EDARADD: variants seen among roughly 807,000 people sequenced by gnomAD.
The protein encoded by EDARADD is ectodysplasin-A receptor-associated adapter protein.
In EDARADD, 20 loss-of-function variants were observed where a neutral mutation model predicts 25.6. The ratio of observed to expected loss-of-function variants is 0.78; its 90% CI spans 0.55 to 1.14. EDARADD has a LOEUF of 1.14. EDARADD is among the 50% of genes most tolerant of loss of function. The pLI, the probability that EDARADD is intolerant of heterozygous loss-of-function variation, is 0.00. For synonymous variants in EDARADD, 86 were observed against 94.4 expected (o/e 0.91, Z 0.52); for missense variants, 225 against 270.1 (o/e 0.83, Z 1.17).
chr1:236,381,267 T>G (rs1344114831), intron 3 of EDARADD, among the ~76,000 whole-genome samples: 1 of 152,204 alleles, frequency 6.6e-6, no homozygotes, highest in East Asian at 1.9e-4. Flanking sequence ...TTCCTTTTAT[T>G]GGTAAGTAGT....
upstream of EDARADD, among the ~76,000 whole-genome samples, chr1:236,393,140 C>T (rs1667447876): frequency 6.6e-6 from 1 of 152,088 alleles, no homozygotes; most frequent in African/African-American, 2.4e-5. Context: ...CAGACACTTG[C>T]AGACTCAGTT....
At chr1:236,418,550 A>G (rs1305767117) in intron 3 of EDARADD, among the ~76,000 whole-genome samples, 1 of 152,216 alleles carries the variant, frequency 6.6e-6, no homozygotes. Context: ...CAGCCAAAGT[A>G]AGGTAGACTA....
chr1:236,413,530 TA>T lies in EDARADD; in HGVS notation c.121-729del, dbSNP rs564246402. Among the ~76,000 whole-genome samples, 173 of 152,284 alleles carry T rather than the reference TA, an allele frequency of 1.1e-3. 1 individual carries two copies. Among genetic ancestry groups the T allele is most frequent in the African/African-American group, 4.0e-3 (168 of 41,568 alleles). On this transcript the variant is annotated intron_variant, in intron 2 of 5. Transcript: ENST00000334232. ...GTGGAGTTGGGAGCTGAGCAGGGGT[TA>T]GGGGACAGGGTTGGGAAATTAGGCT...
At chr1:236,453,089 C>T (rs922015203) in intron 4 of EDARADD, among the ~76,000 whole-genome samples, 5 of 152,086 alleles carry the variant, frequency 3.3e-5, no homozygotes, top group African/African-American at 7.2e-5. Flanking sequence ...ATTGCCAGTT[C>T]GTTCTTCCAC....
chr1:236,385,422 A>G (rs1667341392), intron 3 of EDARADD, among the ~76,000 whole-genome samples: 1 of 129,052 alleles, frequency 7.7e-6, no homozygotes, highest in African/African-American at 2.8e-5. Flanking sequence ...AAAAAAAAAA[A>G]AAAAAAAAAT....
At chr1:236,461,250 T>C (rs1659030187) in intron 4 of EDARADD, among the ~76,000 whole-genome samples, 1 of 152,252 alleles carries the variant, frequency 6.6e-6, no homozygotes, top group South Asian at 2.1e-4. Flanking sequence ...GATCAAACTT[T>C]AGCATTGTTA....
intron 4 of EDARADD, among the ~76,000 whole-genome samples, chr1:236,466,856 C>T (rs1659205867): frequency 6.6e-6 from 1 of 152,164 alleles, no homozygotes; most frequent in Admixed American, 6.5e-5. Flanking sequence ...ATCATGAGGT[C>T]AGGAGTTCGA....
intron 3 of EDARADD, among the ~76,000 whole-genome samples, chr1:236,352,729 T>C (rs987535969): frequency 6.6e-6 from 1 of 152,130 alleles, no homozygotes; most frequent in Admixed American, 6.5e-5. Flanking sequence ...GCACCTGTAA[T>C]CCCAGCTACA....
Position 236,395,611 on chromosome 1 carries a change from T to G in EDARADD, c.61+1106T>G. The G allele has an allele frequency of 6.4e-7, 1 of 1,562,128 alleles. No homozygotes were observed. The highest frequency in any genetic ancestry group is 8.7e-7 in the Non-Finnish European group (1 of 1,156,012). ...CTGCCAGCCCCGCTCGGACGCTCGT[T>G]TGCCCCTAACCCGCCGCCATGGCTT... On this transcript the variant is annotated intron_variant, in intron 1 of 5. Coordinates refer to ENST00000334232, the MANE Select transcript of EDARADD (RefSeq NM_145861.4). This position sits in a 1 kb window ranked among gnomAD's most constrained non-coding sequence, Gnocchi z 6.9.
At chr1:236,371,935 G>A (rs1054081521) in intron 3 of EDARADD, among the ~76,000 whole-genome samples, 1 of 151,610 alleles carries the variant, frequency 6.6e-6, no homozygotes, top group Non-Finnish European at 1.5e-5. Context: ...AGAGTGGTTT[G>A]TTGTTTTTTT....
At chr1:236,428,452 C>T (rs1270043894) in intron 4 of EDARADD, among the ~76,000 whole-genome samples, 2 of 152,186 alleles carry the variant, frequency 1.3e-5, no homozygotes, top group African/African-American at 2.4e-5. Flanking sequence ...AAACCGCCAT[C>T]GTCATCATGG....
intron 4 of EDARADD, among the ~76,000 whole-genome samples, chr1:236,458,768 C>T (rs1333297481): frequency 1.8e-4 from 27 of 151,558 alleles, no homozygotes; most frequent in African/African-American, 6.3e-4. Flanking sequence ...CTCAGCCTCC[C>T]GAGTAGCTGG....
chr1:236,467,740 C>T (rs958383849), intron 4 of EDARADD, among the ~76,000 whole-genome samples: 3 of 151,570 alleles, frequency 2.0e-5, no homozygotes, highest in African/African-American at 7.3e-5. Context: ...ATAAAAATAG[C>T]ACATTGTTGC....
At chr1:236,424,876 TTAAC>T (rs1362226286) in intron 3 of EDARADD, among the ~76,000 whole-genome samples, 1 of 152,218 alleles carries the variant, frequency 6.6e-6, no homozygotes, top group Non-Finnish European at 1.5e-5. Flanking sequence ...CCTTAATTAA[TTAAC>T]TAATTTGTTT....
Position 236,414,245 on chromosome 1 carries a change from T to G in EDARADD, c.121-15T>G. On this transcript the variant is annotated splice_polypyrimidine_tract_variant and intron_variant, in intron 2 of 5. Transcript: ENST00000334232. ...GCATTTAAAAATAATTCTCCTCTTT[T>G]GTTGGTTTCTACAGTCAGACAAATA... 6.2e-7 allele frequency: 1 copy of G among 1,606,250 alleles called. No homozygotes were observed. Among genetic ancestry groups the G allele is most frequent in the Non-Finnish European group, 8.5e-7 (1 of 1,173,012 alleles).
intron 3 of EDARADD, among the ~76,000 whole-genome samples, chr1:236,376,302 C>G (rs993789070): frequency 6.6e-6 from 1 of 152,146 alleles, no homozygotes; most frequent in Non-Finnish European, 1.5e-5. Context: ...ATGTCATTTT[C>G]TTTTCCTTTA....
At chr1:236,388,859 T>C (rs1572121354) in intron 3 of EDARADD, among the ~76,000 whole-genome samples, 3 of 152,356 alleles carry the variant, frequency 2.0e-5, no homozygotes, top group African/African-American at 7.2e-5. Context: ...TTGATCATTT[T>C]GTAGATTCCT....
At chr1:236,425,946 TTTC>T (rs140942009) in intron 3 of EDARADD, among the ~76,000 whole-genome samples, 2,080 of 151,190 alleles carry the variant, frequency 0.014, 49 homozygotes, top group African/African-American at 0.048. Flanking sequence ...ATGCCAGTTG[TTTC>T]TTTTCTTTTA....
intron 4 of EDARADD, among the ~76,000 whole-genome samples, chr1:236,450,265 A>T (rs548067571): frequency 2.5e-4 from 38 of 152,064 alleles, no homozygotes; most frequent in Non-Finnish European, 4.4e-5. Flanking sequence ...CCACACTCCC[A>T]CCTGGGCCAC....
Sources: gnomAD v4.1 joint callset for allele counts (sites outside exome capture counted in the v4.1 genomes callset) on GRCh38, gnomAD v4.1.1 for gene constraint, Gnocchi (gnomAD v3.1) non-coding constraint, MANE v1.5 for transcripts, NCBI Gene and HGNC (gene_info 2026-07-23, HGNC 2026-07-21) for gene names.